The following FTO variants were observed in gnomAD, a reference collection of about 807,000 sequenced individuals.
The protein encoded by FTO is alpha-ketoglutarate-dependent dioxygenase FTO.
Under a neutral mutation model 63.9 loss-of-function variants are expected in FTO, and 47 were observed. That is an observed-to-expected ratio of 0.74 (90% confidence interval 0.58 to 0.94). FTO has a LOEUF of 0.94. Among genes scored for constraint, FTO ranks in the 40% least tolerant of loss-of-function variants. The probability of loss-of-function intolerance (pLI) is 0.00; values close to 1 mark genes in which losing one functional copy is unlikely to be tolerated. For synonymous variants in FTO, 207 were observed against 224.4 expected, an observed-to-expected ratio of 0.92 and a Z score of 0.69; for missense variants, 562 against 618.1, an observed-to-expected ratio of 0.91 and a Z score of 0.96.
At chr16:53,882,206 C>T (rs2080856701) in intron 6 of FTO, among the ~76,000 whole-genome samples, 1 of 152,068 alleles carries the variant, frequency 6.6e-6, no homozygotes, top group Non-Finnish European at 1.5e-5. Flanking sequence ...TGTTCTCATG[C>T]ATCCTTTCTA....
chr16:54,009,302 T>A (rs978217816), intron 8 of FTO, among the ~76,000 whole-genome samples: 3 of 152,308 alleles, frequency 2.0e-5, no homozygotes, highest in African/African-American at 7.2e-5. Flanking sequence ...TATATGAGTG[T>A]TTTGGAGTAT....
At chr16:53,935,008 G>A (rs2082356840) in intron 8 of FTO, among the ~76,000 whole-genome samples, 1 of 152,168 alleles carries the variant, frequency 6.6e-6, no homozygotes, top group Admixed American at 6.5e-5. Context: ...CAGAACTGAT[G>A]CTTGCATAGT....
At chr16:54,048,343 T>G (rs2085233966) in intron 8 of FTO, among the ~76,000 whole-genome samples, 1 of 150,302 alleles carries the variant, frequency 6.7e-6, no homozygotes. Context: ...TTGGCTGCCA[T>G]CTGGGTAGGT....
At chr16:53,742,044 G>A (rs778168790) in intron 1 of FTO, among the ~76,000 whole-genome samples, 2 of 152,182 alleles carry the variant, frequency 1.3e-5, no homozygotes, top group African/African-American at 2.4e-5. Context: ...TCTGGGGAGA[G>A]TGGGGGGTAG....
At chr16:54,085,562 C>T (rs1229922185) in intron 8 of FTO, among the ~76,000 whole-genome samples, 1 of 152,162 alleles carries the variant, frequency 6.6e-6, no homozygotes, top group African/African-American at 2.4e-5. Flanking sequence ...CCATGTCCCT[C>T]ATTTTTAAAG....
chr16:53,819,089 A>G (rs954358028), intron 2 of FTO, among the ~76,000 whole-genome samples: 1 of 152,224 alleles, frequency 6.6e-6, no homozygotes, highest in African/African-American at 2.4e-5. Flanking sequence ...AACAATATGT[A>G]TTACTATTAT....
chr16:53,876,922 G>A (rs957200534), intron 5 of FTO, among the ~76,000 whole-genome samples: 5 of 152,264 alleles, frequency 3.3e-5, no homozygotes, highest in East Asian at 1.9e-4. Context: ...GCAAGACTCC[G>A]TCTTCACACA....
chr16:54,038,954 TA>T (rs2085008326), intron 8 of FTO, among the ~76,000 whole-genome samples: 1 of 152,188 alleles, frequency 6.6e-6, no homozygotes, highest in Admixed American at 6.5e-5. Context: ...TGCCCTCATG[TA>T]AATACATCTG....
At chr16:53,819,597 C>T (rs1317184555) in intron 2 of FTO, among the ~76,000 whole-genome samples, 1 of 151,324 alleles carries the variant, frequency 6.6e-6, no homozygotes, top group Non-Finnish European at 1.5e-5. Context: ...ATAGGTTGTA[C>T]TTTTTTTTTC....
intron 7 of FTO, among the ~76,000 whole-genome samples, chr16:53,896,349 G>C (rs1185822616): frequency 6.6e-6 from 1 of 151,580 alleles, no homozygotes; most frequent in African/African-American, 2.4e-5. Flanking sequence ...ATGGTAGAGG[G>C]ATTAAATTCA....
intron 2 of FTO, among the ~76,000 whole-genome samples, chr16:53,822,075 G>A (rs562242764): frequency 2.6e-5 from 4 of 152,260 alleles, no homozygotes; most frequent in African/African-American, 9.6e-5. Flanking sequence ...TCCATCCTGA[G>A]GGGACCAGGA....
At chr16:53,865,833 T>C (rs922687887) in intron 4 of FTO, among the ~76,000 whole-genome samples, 1 of 152,242 alleles carries the variant, frequency 6.6e-6, no homozygotes, top group Non-Finnish European at 1.5e-5. Flanking sequence ...GACAATAATA[T>C]AATCTGTGAA....
At chr16:54,036,584 A>G (rs1374920699) in intron 8 of FTO, among the ~76,000 whole-genome samples, 2 of 152,230 alleles carry the variant, frequency 1.3e-5, no homozygotes, top group Non-Finnish European at 2.9e-5. Flanking sequence ...TCCACACTGT[A>G]AAACAGAAGT....
At chr16:53,838,251 C>CTTTTAAAG (rs1392952198) in intron 3 of FTO, among the ~76,000 whole-genome samples, 10 of 152,142 alleles carry the variant, frequency 6.6e-5, no homozygotes, top group Non-Finnish European at 1.0e-4. Flanking sequence ...TAGCAAGGGA[C>CTTTTAAAG]CAGCCTTTTA....
intron 8 of FTO, among the ~76,000 whole-genome samples, chr16:54,015,434 G>T (rs1282025487): frequency 1.3e-5 from 2 of 152,060 alleles, no homozygotes; most frequent in Admixed American, 1.3e-4. Context: ...ATTTTCAGAG[G>T]TGAAGCAATC....
At chr16:53,906,386 A>G (rs2081540125) in intron 7 of FTO, among the ~76,000 whole-genome samples, 1 of 152,234 alleles carries the variant, frequency 6.6e-6, no homozygotes. Flanking sequence ...ACGGACGAAT[A>G]TATGAACAGA....
rs79074626 is a variant in FTO, at chr16:54,086,891, C to G, written c.1365-24871C>G. 2.2e-3 allele frequency among the ~76,000 whole-genome samples: 335 copies of G among 152,270 alleles called. 2 individuals carry two copies. The highest frequency in any genetic ancestry group is 7.7e-3 in the African/African-American group (321 of 41,560). On this transcript the variant is annotated intron_variant, in intron 8 of 8. Transcript: ENST00000471389. ...CGGGGAGAGCTTGTATTCCCAAGAC[C>G]CTCCACGTCCCAAAGGAGTTCAGTG...
chr16:54,026,399 C>T (rs1239799370), intron 8 of FTO, among the ~76,000 whole-genome samples: 1 of 152,176 alleles, frequency 6.6e-6, no homozygotes, highest in Non-Finnish European at 1.5e-5. Flanking sequence ...TGAGCCAAAC[C>T]CCAACCCCTT....
At chr16:53,861,590 A>G (rs2080175197) in intron 4 of FTO, among the ~76,000 whole-genome samples, 1 of 152,024 alleles carries the variant, frequency 6.6e-6, no homozygotes, top group African/African-American at 2.4e-5. Context: ...CACTTCCCAG[A>G]TATTTTCTTA....
Sources: allele counts gnomAD v4.1 joint callset (sites outside exome capture counted in the v4.1 genomes callset), GRCh38; gene constraint gnomAD v4.1.1; transcripts MANE v1.5; gene names NCBI Gene and HGNC (gene_info 2026-07-23, HGNC 2026-07-21).